CALN1: variants seen among roughly 807,000 people sequenced by gnomAD.
CALN1 encodes calcium-binding protein 8.
Under a neutral mutation model 30.6 loss-of-function variants are expected in CALN1, and 17 were observed. The ratio of observed to expected loss-of-function variants is 0.56; its 90% CI spans 0.38 to 0.83. CALN1 has a LOEUF of 0.83. Among genes scored for constraint, CALN1 ranks in the 40% least tolerant of loss-of-function variants. The pLI is 0.00. For synonymous variants in CALN1, 156 were observed against 131.4 expected, an observed-to-expected ratio of 1.19 and a Z score of -1.28; for missense variants, 291 against 354.9, an observed-to-expected ratio of 0.82 and a Z score of 1.45.
intron 2 of CALN1, among the ~76,000 whole-genome samples, chr7:72,308,536 C>CGAATGAAT (rs549476255): frequency 2.0e-4 from 30 of 152,074 alleles, no homozygotes; most frequent in African/African-American, 7.2e-4. Flanking sequence ...GCTGAATGCA[C>CGAATGAAT]GAATGAATGA....
chr7:71,976,122 G>T (rs1422273927), intron 5 of CALN1, among the ~76,000 whole-genome samples: 1 of 151,870 alleles, frequency 6.6e-6, no homozygotes, highest in Non-Finnish European at 1.5e-5. Context: ...CTGGTCTTGG[G>T]TCCACCATTG....
In CALN1 at chr7:71,811,353, A is replaced by G. The variant is rs563955304; in HGVS notation, c.502-861T>C. Among the ~76,000 whole-genome samples, 8 of 151,980 alleles carry G rather than the reference A, an allele frequency of 5.3e-5. 1 individual carries two copies. In the South Asian group the frequency reaches 1.7e-3, roughly 32 times the overall value. On this transcript the variant is annotated intron_variant, in intron 5 of 6. Transcript: ENST00000395275. ...CTCCCAAGTAGCTGGGATTACAGACATGAGCCACTGCGCCTGTCTAACATT... is the reference window on the plus strand; with the variant it reads ...CTCCCAAGTAGCTGGGATTACAGACGTGAGCCACTGCGCCTGTCTAACATT...
intron 5 of CALN1, among the ~76,000 whole-genome samples, chr7:71,824,795 G>A (rs74860216): frequency 0.028 from 4,201 of 152,214 alleles, 180 homozygotes; most frequent in South Asian, 0.17. Context: ...CTGCCTGGAC[G>A]ATCAATGGGT....
At chr7:72,476,878 A>G in the CALN1 span, among the ~76,000 whole-genome samples, 3 of 152,174 alleles carry the variant, frequency 2.0e-5, no homozygotes, top group Non-Finnish European at 4.4e-5. Flanking sequence ...GAACGAATAT[A>G]TAAATGTGAA....
chr7:72,282,010 A>C (rs1797763274), intron 2 of CALN1, among the ~76,000 whole-genome samples: 1 of 152,230 alleles, frequency 6.6e-6, no homozygotes, highest in Admixed American at 6.5e-5. Flanking sequence ...AAAAGCTCAA[A>C]GTCTAGTGGG....
At chr7:72,391,713 T>TTTG (rs970528590) in intron 2 of CALN1, among the ~76,000 whole-genome samples, 1 of 152,080 alleles carries the variant, frequency 6.6e-6, no homozygotes, top group Non-Finnish European at 1.5e-5. Context: ...AGTTTTTTTG[T>TTTG]TTTTTGTTTT....
intron 5 of CALN1, among the ~76,000 whole-genome samples, chr7:71,920,910 G>GT (rs1303239738): frequency 1.3e-5 from 2 of 152,138 alleles, no homozygotes; most frequent in African/African-American, 4.8e-5. Flanking sequence ...GCATACGTAT[G>GT]TTTATTGTGG....
At chr7:72,451,898 G>A (rs1330073417), upstream of CALN1, among the ~76,000 whole-genome samples, 5 of 152,098 alleles carry the variant, frequency 3.3e-5, no homozygotes, top group Non-Finnish European at 7.3e-5. Flanking sequence ...GCTGGGTGCA[G>A]TGGCTCATGC....
At chr7:72,423,825 AAGAG>A (rs978015368) in intron 1 of CALN1, among the ~76,000 whole-genome samples, 2 of 151,762 alleles carry the variant, frequency 1.3e-5, no homozygotes, top group East Asian at 1.9e-4. Flanking sequence ...TCAAAAAAAA[AAGAG>A]AGAGAGACAA....
chr7:72,385,235 AG>A (rs1340462266), intron 2 of CALN1, among the ~76,000 whole-genome samples: 1 of 152,228 alleles, frequency 6.6e-6, no homozygotes, highest in Admixed American at 6.5e-5. Flanking sequence ...GAGACAATTT[AG>A]AAGTTTCTTA....
intron 3 of CALN1, among the ~76,000 whole-genome samples, chr7:72,204,992 C>A (rs932941205): frequency 2.6e-5 from 4 of 152,100 alleles, no homozygotes; most frequent in Non-Finnish European, 5.9e-5. Flanking sequence ...CATTTTCACA[C>A]AGCATTGCCA....
At chr7:71,913,753 G>C (rs1344276140) in intron 5 of CALN1, 1 of 152,172 alleles carries the variant, frequency 6.6e-6, no homozygotes, top group African/African-American at 2.4e-5. Flanking sequence ...ACAGCACCTG[G>C]TATTCACAGG....
At chr7:71,967,445 T>C (rs1308185671) in intron 5 of CALN1, among the ~76,000 whole-genome samples, 5 of 151,742 alleles carry the variant, frequency 3.3e-5, no homozygotes, top group African/African-American at 4.8e-5. Context: ...CTGGGAAACA[T>C]AGCAAGACCT....
intron 2 of CALN1, among the ~76,000 whole-genome samples, chr7:72,393,470 CAAAA>C (rs1805713540): frequency 6.6e-6 from 1 of 151,988 alleles, no homozygotes; most frequent in Non-Finnish European, 1.5e-5. Context: ...TCTCAAAAAA[CAAAA>C]CAAACAAAAA....
chr7:72,257,306 G>T (rs1169602033), intron 3 of CALN1, among the ~76,000 whole-genome samples: 1 of 152,110 alleles, frequency 6.6e-6, no homozygotes, highest in Admixed American at 6.6e-5. Context: ...AGGTTTGGGT[G>T]GGGATACAGC....
At chr7:72,482,794 C>T in the CALN1 span, among the ~76,000 whole-genome samples, 1 of 152,040 alleles carries the variant, frequency 6.6e-6, no homozygotes, top group Non-Finnish European at 1.5e-5. Context: ...AGTTACCATT[C>T]CCAGTACTCT....
intron 4 of CALN1, among the ~76,000 whole-genome samples, chr7:72,081,155 T>A (rs1194494247): frequency 6.6e-6 from 1 of 151,958 alleles, no homozygotes; most frequent in Non-Finnish European, 1.5e-5. Flanking sequence ...GTGTGAAGGA[T>A]TTTGCTATGG....
Position 72,121,787 on chromosome 7 carries a change from TTATAA to T in CALN1, c.245-15498_245-15494del, listed in dbSNP as rs557131402. 4.3e-4 allele frequency among the ~76,000 whole-genome samples: 63 copies of T among 145,888 alleles called. No homozygotes were observed. In the East Asian group the frequency reaches 8.5e-3, roughly 20 times the overall value. ...ATAATGATTATTATAAATAAGCATA[TTATAA>T]TATGTGTTTTGATTATTGTAAACAT... On this transcript the variant is annotated intron_variant, in intron 3 of 6. Coordinates refer to ENST00000395275, the MANE Select transcript of CALN1 (RefSeq NM_031468.4).
rs117960961 is a variant in CALN1 at position 71,937,677 on chromosome 7, G to A, written c.501+85980C>T. ...AATGTTTTTGTAGAGATAGGGTCTC[G>A]CTGTGTTGCCAGGCTGATCTCAAAC... is the stretch of plus-strand genomic sequence containing the variant. On this transcript the variant is annotated intron_variant, in intron 5 of 6. Coordinates refer to ENST00000395275, the MANE Select transcript of CALN1 (RefSeq NM_031468.4). 7.4e-3 allele frequency among the ~76,000 whole-genome samples: 1,130 copies of A among 151,858 alleles called. 11 individuals carry two copies. Among genetic ancestry groups the A allele is most frequent in the Non-Finnish European group, 0.013 (901 of 67,956 alleles).
Sources: gnomAD v4.1 joint callset for allele counts (sites outside exome capture counted in the v4.1 genomes callset) on GRCh38, gnomAD v4.1.1 for gene constraint, MANE v1.5 for transcripts, NCBI Gene and HGNC (gene_info 2026-07-23, HGNC 2026-07-21) for gene names.